Variants in MYH11 observed in about 807,000 individuals in gnomAD.
The protein encoded by MYH11 is myosin heavy chain 11.
MYH11 carries 80 observed loss-of-function variants against 246.6 expected under a neutral mutation model. The observed-to-expected ratio is 0.32, with a 90% CI of 0.27 to 0.39. The LOEUF (loss-of-function observed/expected upper bound fraction) is 0.39, where lower values mean the gene tolerates loss of function less well. Ranked by LOEUF, MYH11 falls within the 10% of genes least tolerant of loss-of-function variation. The pLI is 1.00. For synonymous variants in MYH11, 1,071 were observed against 1,015.5 expected (o/e 1.05, Z -1.04); for missense variants, 2,158 against 2,546.8 (o/e 0.85, Z 3.29).
chr16:15,811,967 G>C (rs962874866), intron 3 of MYH11, among the ~76,000 whole-genome samples: 5 of 152,156 alleles, frequency 3.3e-5, no homozygotes, highest in African/African-American at 1.2e-4. Flanking sequence ...GGGACCCATG[G>C]AGGGGCTCCA....
At position 15,780,211 on chromosome 16, in the gene MYH11, G is replaced by A. The variant is rs1949137739; in HGVS notation, c.727-1368C>T. Among the ~76,000 whole-genome samples the A allele has an allele frequency of 2.0e-5, 3 of 152,152 alleles. No homozygotes were observed. The South Asian group carries it at 6.2e-4, about 32-fold the overall frequency. On this transcript the variant is annotated intron_variant, in intron 6 of 40. Coordinates refer to ENST00000300036, the MANE Select transcript of MYH11 (RefSeq NM_002474.3). ...AACGCAGTGCTTCTCAGTGGAGGCG[G>A]CACATCTGCTATGGAGATTTTGGAA...
intron 1 of MYH11, among the ~76,000 whole-genome samples, chr16:15,851,859 T>C (rs887924395): frequency 2.0e-5 from 3 of 152,246 alleles, no homozygotes; most frequent in Admixed American, 2.0e-4. Context: ...GAAGGATGCT[T>C]CTGGAAGCGA....
At chr16:15,787,891 C>T (rs2042509095) in intron 4 of MYH11, among the ~76,000 whole-genome samples, 1 of 151,888 alleles carries the variant, frequency 6.6e-6, no homozygotes, top group Non-Finnish European at 1.5e-5. Context: ...AGATGCAAGC[C>T]CCTTTATCCT....
intron 6 of MYH11, among the ~76,000 whole-genome samples, chr16:15,780,555 C>T (rs2042329396): frequency 7.5e-6 from 1 of 133,212 alleles, no homozygotes; most frequent in Non-Finnish European, 1.5e-5. Flanking sequence ...GACTTTGGCT[C>T]ACTGCAACCT....
chr16:15,842,165 A>T (rs1178211905), intron 1 of MYH11, among the ~76,000 whole-genome samples: 1 of 152,134 alleles, frequency 6.6e-6, no homozygotes, highest in African/African-American at 2.4e-5. Context: ...GGCCGGTGGA[A>T]CACCTGAGGT....
At chr16:15,789,352 C>A (rs12930054) in intron 4 of MYH11, among the ~76,000 whole-genome samples, 3,787 of 152,260 alleles carry the variant, frequency 0.025, 58 homozygotes, top group East Asian at 0.11. Flanking sequence ...GCTCACAGAT[C>A]TTTTCATTTA....
At position 15,838,188 on chromosome 16, in the gene MYH11, T is replaced by C. The variant is rs1321407433; in HGVS notation, c.65A>G (p.Asn22Ser). The change falls in exon 2 of 41, where the codon AAC (asparagine) becomes AGC (serine). Residue 22 changes from asparagine (N) to serine (S), a missense_variant. This residue lies in a region of MYH11 where 96 missense variants were observed against 91.9 expected (regional missense o/e 1.04). Transcript: ENST00000300036. The stretch of plus-strand genomic sequence containing the variant: ...CCAGTCAGCCTGGGCCACTGGGCTG[T>C]TGATGAAGTTTTTGTCCACAAAGAG... The part of the protein sequence containing the change: ...KFLFVDKNFI[N>S]SPVAQADWAA... The C allele has an allele frequency of 6.2e-7, 1 of 1,614,090 alleles. No homozygotes were observed. Among genetic ancestry groups the C allele is most frequent in the African/African-American group, 1.3e-5 (1 of 75,028 alleles).
chr16:15,793,318 G>A (rs1033641929), intron 4 of MYH11, among the ~76,000 whole-genome samples: 4 of 151,758 alleles, frequency 2.6e-5, no homozygotes, highest in Non-Finnish European at 5.9e-5. Flanking sequence ...TCCTGTCTCT[G>A]GGTCTTGCTC....
At chr16:15,786,519 G>T in intron 5 of MYH11, 111 bp downstream of exon 5, 1 of 1,050,616 alleles carries the variant, frequency 9.5e-7, no homozygotes, top group Non-Finnish European at 1.5e-6. Flanking sequence ...GGGAGGGGTA[G>T]TCAGATGGGG....
intron 1 of MYH11, among the ~76,000 whole-genome samples, chr16:15,844,963 A>G (rs951780884): frequency 4.6e-5 from 7 of 152,178 alleles, no homozygotes; most frequent in African/African-American, 1.7e-4. Context: ...TGCTGGCAAC[A>G]TTTGATTGGT....
At position 15,771,555 on chromosome 16, in the gene MYH11, G is replaced by T. The variant is rs2042101032; in HGVS notation, c.1033+14C>A. 2.5e-6 allele frequency: 4 copies of T among 1,612,922 alleles called. No homozygotes were observed. Among genetic ancestry groups the T allele is most frequent in the Non-Finnish European group, 3.4e-6 (4 of 1,179,912 alleles). Reference sequence around the variant, plus strand: ...CAGGCAAGCTACCCTCCAGACTCAAGGTGTGAGGCTTACATAGCTGCTCCT... The same window carrying T: ...CAGGCAAGCTACCCTCCAGACTCAATGTGTGAGGCTTACATAGCTGCTCCT... On this transcript the variant is annotated intron_variant, in intron 9 of 40. Transcript: ENST00000300036.
chr16:15,710,534 A>G (rs1400218156), intron 40 of MYH11, among the ~76,000 whole-genome samples: 4 of 147,032 alleles, frequency 2.7e-5, no homozygotes, highest in African/African-American at 1.1e-4. Context: ...TAAATAATAA[A>G]AAGAAAAGAA....
Position 15,724,118 on chromosome 16 carries a change from C to T in MYH11, c.4365+43G>A, listed in dbSNP as rs138012038. On this transcript the variant is annotated intron_variant, in intron 31 of 40. Transcript: ENST00000300036. ...TACTCTGCAGAGCTGATTCCCCAACCCAGCGTCCATGGCCAGAGTGGGGGA... is the reference window on the plus strand; with the variant it reads ...TACTCTGCAGAGCTGATTCCCCAACTCAGCGTCCATGGCCAGAGTGGGGGA... The T allele has an allele frequency of 3.6e-3, 5,733 of 1,610,724 alleles. 17 individuals carry two copies. Among genetic ancestry groups the T allele is most frequent in the South Asian group, 5.1e-3 (465 of 90,934 alleles).
At chr16:15,798,775 A>G (rs971912959) in intron 3 of MYH11, 88 bp from the exon 4 acceptor site, 54 of 1,347,854 alleles carry the variant, frequency 4.0e-5, no homozygotes, top group Non-Finnish European at 5.1e-5. Context: ...GGGCCCTCCC[A>G]TTCTAAAGCT....
chr16:15,716,067 C>T (rs1346901974), intron 38 of MYH11, among the ~76,000 whole-genome samples: 1 of 152,072 alleles, frequency 6.6e-6, no homozygotes, highest in Non-Finnish European at 1.5e-5. Context: ...CACCACTGCA[C>T]ACCAGCCTGG....
At chr16:15,714,556 G>T in intron 40 of MYH11, 2 of 424,422 alleles carry the variant, frequency 4.7e-6, no homozygotes, top group East Asian at 9.5e-5. Context: ...GTGGCGGGGG[G>T]TGGTGTTGCA....
chr16:15,788,331 C>G (rs1471912429), intron 4 of MYH11, among the ~76,000 whole-genome samples: 1 of 151,338 alleles, frequency 6.6e-6, no homozygotes. Context: ...ACTTAATACT[C>G]TAAAATATAA....
intron 3 of MYH11, among the ~76,000 whole-genome samples, chr16:15,807,659 C>T (rs1368024046): frequency 2.6e-5 from 4 of 152,074 alleles, no homozygotes; most frequent in Admixed American, 6.5e-5. Context: ...CATCAGGACC[C>T]GCCTGGGGCT....
intron 40 of MYH11, chr16:15,714,625 GTGGGGATAGCCTC>G: frequency 1.8e-6 from 1 of 561,090 alleles, no homozygotes; most frequent in Non-Finnish European, 3.2e-6. Flanking sequence ...GGAGGAGACA[GTGGGGATAGCCTC>G]TTCCTCCTCC....
Sources: allele counts gnomAD v4.1 joint callset (sites outside exome capture counted in the v4.1 genomes callset), GRCh38; gene constraint gnomAD v4.1.1; regional missense constraint gnomAD v4.1.1; transcripts MANE v1.5; gene names NCBI Gene and HGNC (gene_info 2026-07-23, HGNC 2026-07-21).